Variants in NTPCR observed in about 807,000 individuals in gnomAD.
NTPCR encodes cancer-related nucleoside-triphosphatase.
NTPCR carries 15 observed loss-of-function variants against 19.5 expected under a neutral mutation model. The ratio of observed to expected loss-of-function variants is 0.77; its 90% confidence interval spans 0.51 to 1.18. NTPCR has a LOEUF of 1.18. Among genes scored for constraint, NTPCR ranks in the 50% most tolerant of loss-of-function variants. The pLI is 0.00. For synonymous variants in NTPCR, 90 were observed against 95.8 expected (o/e 0.94, Z 0.36); for missense variants, 206 against 240.4 (o/e 0.86, Z 0.95).
At chr1:232,951,298 G>A (rs529101109) in intron 1 of NTPCR, among the ~76,000 whole-genome samples, 327 of 151,708 alleles carry the variant, frequency 2.2e-3, no homozygotes, top group Non-Finnish European at 3.0e-3. Flanking sequence ...CCACAGCTGA[G>A]GCCAGAGGTG....
chr1:232,971,119 C>T (rs1384408612), intron 4 of NTPCR, among the ~76,000 whole-genome samples: 1 of 152,198 alleles, frequency 6.6e-6, no homozygotes, highest in Non-Finnish European at 1.5e-5. Context: ...GCCTTTCTTT[C>T]CCTGTTGTCC....
intron 4 of NTPCR, among the ~76,000 whole-genome samples, chr1:232,974,922 C>G (rs1197233523): frequency 6.6e-6 from 1 of 152,214 alleles, no homozygotes; most frequent in Non-Finnish European, 1.5e-5. Context: ...GGGACACAGT[C>G]AAATCATAGC....
chr1:232,950,733 CG>C lies in NTPCR; in HGVS notation c.27del (p.Pro11GlnfsTer8). On this transcript the variant is annotated frameshift_variant, in exon 1 of 5. Coordinates refer to ENST00000366628, the MANE Select transcript of NTPCR (RefSeq NM_032324.3). LOFTEE classifies it high-confidence loss of function. The stretch of plus-strand genomic sequence containing the variant: ...AGTATGGCCCGGCACGTGTTCCTAA[CG>C]GGGCCCCCAGGTAACCCTGAGGGGA... MARHVFL[T>X]GPPGVGKTTL... The C allele has an allele frequency of 1.2e-6, 2 of 1,602,588 alleles. No individual in the cohort carries two copies. The highest frequency in any genetic ancestry group is 1.7e-6 in the Non-Finnish European group (2 of 1,173,972).
chr1:232,977,992 A>G (rs188892222), intron 4 of NTPCR, among the ~76,000 whole-genome samples, 171 bp from the exon 5 acceptor site: 1 of 152,276 alleles, frequency 6.6e-6, no homozygotes, highest in Admixed American at 6.5e-5. Context: ...GGACTCGGTG[A>G]TTCCTGTCCT....
rs1356745613 is a variant in NTPCR at position 232,950,654 on chromosome 1, T to C, written c.-57T>C. On this transcript the variant is annotated 5_prime_UTR_variant, in exon 1 of 5. Coordinates refer to ENST00000366628, the MANE Select transcript of NTPCR (RefSeq NM_032324.3). ...GACCCTGGTCCGGACCTGACCTGAA[T>C]TGCGACCCCAACCTGGACTGCTCCC... The C allele has an allele frequency of 6.9e-7, 1 of 1,456,626 alleles. No individual in the cohort carries two copies. 90.2% of individuals were successfully genotyped at this position (1,456,626 alleles called of 1,614,324 possible).
chr1:232,962,170 T>C (rs1437710617), intron 3 of NTPCR: 1 of 152,206 alleles, frequency 6.6e-6, no homozygotes, highest in African/African-American at 2.4e-5. Flanking sequence ...GAATGGAAAG[T>C]TACTTGCCCA....
chr1:232,961,377 G>A (rs762138790), intron 3 of NTPCR, among the ~76,000 whole-genome samples: 1 of 152,228 alleles, frequency 6.6e-6, no homozygotes, highest in African/African-American at 2.4e-5. Flanking sequence ...GGGTGTGAGT[G>A]TGCTTGTCTT....
At chr1:232,961,189 T>G (rs1187885289) in intron 3 of NTPCR, among the ~76,000 whole-genome samples, 1 of 152,232 alleles carries the variant, frequency 6.6e-6, no homozygotes, top group Non-Finnish European at 1.5e-5. Flanking sequence ...GTGTTGAGCA[T>G]TCAGGTTCCG....
chr1:232,970,672 C>G (rs1668950534), intron 4 of NTPCR, among the ~76,000 whole-genome samples: 1 of 152,168 alleles, frequency 6.6e-6, no homozygotes, highest in African/African-American at 2.4e-5. Context: ...CCACATCTCG[C>G]TATTTATGTT....
At chr1:232,957,860 A>G (rs552576931) in intron 3 of NTPCR, among the ~76,000 whole-genome samples, 2 of 152,206 alleles carry the variant, frequency 1.3e-5, no homozygotes, top group Non-Finnish European at 1.5e-5. Context: ...AGACCAAGGG[A>G]CCAGGAAAGA....
At chr1:232,969,337 G>T in intron 3 of NTPCR, 1 of 155,086 alleles carries the variant, frequency 6.4e-6, no homozygotes, top group Non-Finnish European at 1.4e-5. Context: ...TATACAACCA[G>T]AAAATAAGTG....
rs144091151 is a variant in NTPCR, at chr1:232,972,891, G to C, written c.504+2773G>C. On this transcript the variant is annotated intron_variant, in intron 4 of 4. Coordinates refer to ENST00000366628, the MANE Select transcript of NTPCR (RefSeq NM_032324.3). ...TAGGCACCTGTGAGGCATGATCTCT[G>C]CCCTCAAGAAAAACAGACCATGGGG... 1.4e-4 allele frequency among the ~76,000 whole-genome samples: 21 copies of C among 152,240 alleles called. No homozygotes were observed. In the East Asian group the frequency reaches 3.5e-3, roughly 25 times the overall value.
At chr1:232,957,219 A>G (rs1304806210) in intron 3 of NTPCR, among the ~76,000 whole-genome samples, 1 of 152,220 alleles carries the variant, frequency 6.6e-6, no homozygotes. Flanking sequence ...TAATAGAGTT[A>G]GGAAGTGTTT....
intron 3 of NTPCR, chr1:232,963,833 C>CTGTGTGTGTG (rs1244991908): frequency 2.3e-5 from 3 of 127,948 alleles, no homozygotes; most frequent in African/African-American, 3.5e-5. Flanking sequence ...TATTCTCTCT[C>CTGTGTGTGTG]TCTGTGTGTG....
intron 1 of NTPCR, among the ~76,000 whole-genome samples, chr1:232,953,779 A>C (rs1464003433): frequency 6.6e-6 from 1 of 152,136 alleles, no homozygotes; most frequent in Non-Finnish European, 1.5e-5. Context: ...TTCTGCTATT[A>C]ACCTGCTTTT....
Position 232,970,066 on chromosome 1 carries a change from C to T in NTPCR, c.452C>T (p.Pro151Leu). ...ACAATCCCAGTTCCTAAAGGAAAGC[C>T]ACTGGCTCTTGTAGAAGAAATCAGA... ...LGTIPVPKGK[P>L]LALVEEIRNR... The change falls in exon 4 of 5, where the codon CCA becomes CTA. Residue 151 changes from proline to leucine, a missense_variant. Physicochemically the swap from Pro to Leu is moderately conservative, Grantham distance 98. Transcript: ENST00000366628. 6.2e-7 allele frequency: 1 copy of T among 1,614,152 alleles called. No individual in the cohort carries two copies. The highest frequency in any genetic ancestry group is 8.5e-7 in the Non-Finnish European group (1 of 1,180,022).
At position 232,956,532 on chromosome 1, in the gene NTPCR, T is replaced by A. The variant is rs1269662371; in HGVS notation, c.294+89T>A. The stretch of plus-strand genomic sequence containing the variant: ...CATGGAAACAGAATGCCTTTTGCTC[T>A]TAAAGGCCCCAGTTTTGCATTTTAC... On this transcript the variant is annotated intron_variant, in intron 3 of 4. Coordinates refer to ENST00000366628, the MANE Select transcript of NTPCR (RefSeq NM_032324.3). 5 of 854,412 alleles carry A rather than the reference T, an allele frequency of 5.9e-6. No homozygotes were observed. The East Asian group carries it at 1.3e-4, about 22-fold the overall frequency. 52.9% of individuals were successfully genotyped at this position (854,412 alleles called of 1,614,324 possible).
Position 232,969,950 on chromosome 1 carries a change from C to G in NTPCR, c.336C>G (p.Ile112Met), listed in dbSNP as rs538225495. The G allele has an allele frequency of 8.1e-6, 13 of 1,614,044 alleles. No homozygotes were observed. The highest frequency in any genetic ancestry group is 1.6e-4 in the Middle Eastern group (1 of 6,062). ...SSGPGQRVCVIDEIGKMELFS... is the reference protein window; with the variant it reads ...SSGPGQRVCVMDEIGKMELFS... ...GCCCAGGGCAAAGAGTGTGCGTCAT[C>G]GATGAGATTGGGAAGATGGAGCTCT... Residue 112 changes from isoleucine to methionine, a missense_variant, in exon 4 of 5, where the codon ATC (isoleucine) becomes ATG (methionine). By Grantham distance (10) the Ile-to-Met change is conservative. Transcript: ENST00000366628.
In NTPCR at chr1:232,978,278, G is replaced by T. The variant is rs1669200441; in HGVS notation, c.*47G>T. Reference sequence around the variant, plus strand: ...CCGTGAAGGAGTGCCCAGTTCAAGAGGAGCCTGATGGAGCCCTGCCTGTCG... The same window carrying T: ...CCGTGAAGGAGTGCCCAGTTCAAGATGAGCCTGATGGAGCCCTGCCTGTCG... On this transcript the variant is annotated 3_prime_UTR_variant, in exon 5 of 5. Transcript: ENST00000366628. The T allele has an allele frequency of 5.4e-6, 8 of 1,484,646 alleles. No individual in the cohort carries two copies. Among genetic ancestry groups the T allele is most frequent in the Non-Finnish European group, 7.5e-6 (8 of 1,064,772 alleles). 92.0% of individuals were successfully genotyped at this position (1,484,646 alleles called of 1,614,324 possible). A position where few individuals can be genotyped will look rare whatever the true frequency, so the allele number is the denominator to read the frequency against.
Sources: allele counts gnomAD v4.1 joint callset (sites outside exome capture counted in the v4.1 genomes callset), GRCh38; gene constraint gnomAD v4.1.1; transcripts MANE v1.5; gene names NCBI Gene and HGNC (gene_info 2026-07-23, HGNC 2026-07-21).